Variants in ABCA1 observed in about 807,000 individuals in gnomAD.
ABCA1 encodes the protein phospholipid-transporting ATPase ABCA1.
ABCA1 carries 133 observed loss-of-function variants against 262.5 expected under a neutral mutation model. The observed-to-expected ratio is 0.51, with a 90% CI of 0.44 to 0.59. ABCA1 has a LOEUF of 0.59. Ranked by LOEUF, ABCA1 falls within the 20% of genes least tolerant of loss-of-function variation. ABCA1 has a pLI of 0.00. For missense variants in ABCA1, 2,452 were observed against 2,777.5 expected (o/e 0.88, Z 2.63); for synonymous variants, 1,022 against 1,043.5 (o/e 0.98, Z 0.40).
chr9:104,855,735 G>A (rs1376508859), intron 7 of ABCA1: 3 of 1,546,768 alleles, frequency 1.9e-6, no homozygotes, highest in Non-Finnish European at 2.6e-6. Context: ...CATCAATGCT[G>A]GTAAAATATT....
At position 104,861,734 on chromosome 9, in the gene ABCA1, G is replaced by T; in HGVS notation, c.488C>A (p.Ser163Tyr). The T allele has an allele frequency of 6.2e-7, 1 of 1,613,940 alleles. No homozygotes were observed. The highest frequency in any genetic ancestry group is 8.5e-7 in the Non-Finnish European group (1 of 1,179,908). ...CTTGTCCACAGTAGACTTTGGGAGA[G>T]AGAGGTTGTGATACAGGAACCCAGA... ...TFSGFLYHNL[S>Y]LPKSTVDKML... The change falls in exon 6 of 50, where the codon TCT becomes TAT. Residue 163 changes from serine to tyrosine, a missense_variant. Transcript: ENST00000374736.
intron 8 of ABCA1, among the ~76,000 whole-genome samples, chr9:104,844,346 G>A (rs1306205372): frequency 6.6e-6 from 1 of 151,930 alleles, no homozygotes; most frequent in African/African-American, 2.4e-5. Flanking sequence ...GTAACAAATG[G>A]CAAGCTGAAA....
In ABCA1 at chr9:104,822,735, G is replaced by C. The variant is rs3818689; in HGVS notation, c.2657-68C>G. 114,182 of 1,580,280 alleles carry C rather than the reference G, an allele frequency of 0.072. 6,539 individuals carry two copies. The highest frequency in any genetic ancestry group is 0.38 in the East Asian group (17,113 of 44,688). On this transcript the variant is annotated intron_variant, in intron 18 of 49. Transcript: ENST00000374736. ...TGAGGAGTGGAGTGTAAGGACACAG[G>C]GCACTGCGCTTGAACTTTCAGAAGT...
intron 7 of ABCA1, chr9:104,855,639 A>G (rs1164694107): frequency 6.9e-7 from 1 of 1,453,830 alleles, no homozygotes; most frequent in African/African-American, 1.4e-5. Flanking sequence ...ATGTGTAACC[A>G]ATAATCACAA....
At chr9:104,878,423 T>C (rs1173654859) in intron 5 of ABCA1, among the ~76,000 whole-genome samples, 1 of 152,228 alleles carries the variant, frequency 6.6e-6, no homozygotes, top group South Asian at 2.1e-4. Context: ...ATTCCTGAAA[T>C]GGGAGTTCTT....
Position 104,827,185 on chromosome 9 carries a change from C to T in ABCA1, c.2116-16G>A, listed in dbSNP as rs376099791. The T allele has an allele frequency of 3.7e-4, 586 of 1,604,576 alleles. 1 individual carries two copies. The highest frequency in any genetic ancestry group is 1.2e-3 in the South Asian group (109 of 90,788). ...GGTTTCCTAACTGGGAAGGAAGAGA[C>T]ACATCAAATGTGCTGCCTCAACAAT... On this transcript the variant is annotated splice_polypyrimidine_tract_variant and intron_variant, in intron 15 of 49. Transcript: ENST00000374736.
At position 104,784,206 on chromosome 9, in the gene ABCA1, T is replaced by C; in HGVS notation, c.*109A>G. 7.1e-7 allele frequency: 1 copy of C among 1,407,622 alleles called. No homozygotes were observed. The highest frequency in any genetic ancestry group is 1.0e-6 in the Non-Finnish European group (1 of 1,001,184). 87.2% of individuals were successfully genotyped at this position (1,407,622 alleles called of 1,614,324 possible). ...AATAGTATCAGTACAGTATCCAGTT[T>C]ACTTCTTCCCACATCAACTTCTGGC... On this transcript the variant is annotated 3_prime_UTR_variant, in exon 50 of 50. Transcript: ENST00000374736.
intron 2 of ABCA1, 65 bp from the exon 3 acceptor site, chr9:104,889,260 G>T (rs1033414319): frequency 6.4e-7 from 1 of 1,563,704 alleles, no homozygotes; most frequent in Non-Finnish European, 8.7e-7. Context: ...ATGCCACTGG[G>T]ATCTGGGAAA....
chr9:104,831,060 A>T lies in ABCA1; in HGVS notation c.1757T>A (p.Met586Lys). 6.2e-7 allele frequency: 1 copy of T among 1,612,670 alleles called. No individual in the cohort carries two copies. Among genetic ancestry groups the T allele is most frequent in the Non-Finnish European group, 8.5e-7 (1 of 1,179,656 alleles). The change falls in exon 14 of 50, where the codon ATG becomes AAG. Residue 586 changes from methionine (M) to lysine (K), a missense_variant. Met to Lys is a moderately conservative substitution (Grantham distance 95). This residue lies in a region of ABCA1 where 1,032 missense variants were observed against 1,089.7 expected (regional missense o/e 0.95). Coordinates refer to ENST00000374736, the MANE Select transcript of ABCA1 (RefSeq NM_005502.4). ...GGCGAAGCCCCCCCAGACGTACCGC[A>T]TGTCCTCAAAGGGGTCAGCTCGAGG... ...PGPRADPFED[M>K]RYVWGGFAYL...
chr9:104,831,914 C>T, intron 12 of ABCA1, 87 bp from the exon 13 acceptor site: 1 of 1,186,562 alleles, frequency 8.4e-7, no homozygotes, highest in Non-Finnish European at 1.3e-6. Context: ...GAGGCAAGGG[C>T]TGACTACACG....
chr9:104,922,541 C>A (rs1304163115), intron 1 of ABCA1, among the ~76,000 whole-genome samples: 2 of 152,166 alleles, frequency 1.3e-5, no homozygotes, highest in Admixed American at 1.3e-4. Flanking sequence ...CTATTTCACT[C>A]ATGAGAATGA....
chr9:104,885,002 A>G (rs1839025917), intron 3 of ABCA1, among the ~76,000 whole-genome samples: 1 of 152,086 alleles, frequency 6.6e-6, no homozygotes, highest in African/African-American at 2.4e-5. Context: ...TTGGGAGGCC[A>G]AGGTGGGCGG....
At chr9:104,876,524 C>T (rs1838183022) in intron 5 of ABCA1, among the ~76,000 whole-genome samples, 2 of 152,144 alleles carry the variant, frequency 1.3e-5, no homozygotes, top group South Asian at 4.1e-4. Flanking sequence ...AGGAGCAGGC[C>T]TTGGGACCAA....
Position 104,800,571 on chromosome 9 carries a change from T to A in ABCA1, c.4712A>T (p.Asp1571Val). The change falls in exon 35 of 50, where the codon GAT becomes GTT. Residue 1571 changes from aspartate to valine, a missense_variant. Coordinates refer to ENST00000374736, the MANE Select transcript of ABCA1 (RefSeq NM_005502.4). ...HLKLAKDSSA[D>V]RFLNSLGRFM... ...TCTTCCCAAGCTGTTGAGAAATCGA[T>A]CTGCAGAACTGTCCTGTAAACAACA... is the stretch of plus-strand genomic sequence containing the variant. 2.5e-6 allele frequency: 4 copies of A among 1,614,158 alleles called. No individual in the cohort carries two copies. Among genetic ancestry groups the A allele is most frequent in the Non-Finnish European group, 2.5e-6 (3 of 1,180,006 alleles).
At chr9:104,914,994 C>T (rs1389565121) in intron 1 of ABCA1, among the ~76,000 whole-genome samples, 1 of 152,154 alleles carries the variant, frequency 6.6e-6, no homozygotes, top group Admixed American at 6.5e-5. Flanking sequence ...GCACCTTCCC[C>T]GGAGGTTCAA....
intron 34 of ABCA1, 76 bp downstream of exon 34, chr9:104,801,978 T>C: frequency 7.3e-7 from 1 of 1,362,200 alleles, no homozygotes; most frequent in Non-Finnish European, 1.1e-6. Flanking sequence ...GGTGATCCGT[T>C]TAACCTGCCA....
chr9:104,891,468 T>C (rs1839739914), intron 2 of ABCA1, among the ~76,000 whole-genome samples: 2 of 151,954 alleles, frequency 1.3e-5, no homozygotes, highest in South Asian at 4.1e-4. Flanking sequence ...TGGGGGTGTA[T>C]GCCTGTAATC....
At chr9:104,811,470 A>G (rs1407267141) in intron 28 of ABCA1, among the ~76,000 whole-genome samples, 1 of 152,228 alleles carries the variant, frequency 6.6e-6, no homozygotes, top group African/African-American at 2.4e-5. Context: ...ATCATGGACA[A>G]CCATAGTCAT....
intron 2 of ABCA1, among the ~76,000 whole-genome samples, chr9:104,894,600 C>G (rs578237815): frequency 6.6e-6 from 1 of 152,266 alleles, no homozygotes; most frequent in Admixed American, 6.5e-5. Flanking sequence ...AATACACTGC[C>G]CAATGGTCCA....
Sources: allele counts gnomAD v4.1 joint callset (sites outside exome capture counted in the v4.1 genomes callset), GRCh38; gene constraint gnomAD v4.1.1; regional missense constraint gnomAD v4.1.1; transcripts MANE v1.5; gene names NCBI Gene and HGNC (gene_info 2026-07-23, HGNC 2026-07-21).